Variants in ATE1 observed in about 807,000 individuals in gnomAD.
ATE1 encodes the protein arginyltransferase 1.
Under a neutral mutation model 70.5 loss-of-function variants are expected in ATE1, and 36 were observed. That is an observed-to-expected ratio of 0.51 (90% CI 0.39 to 0.67). The LOEUF is 0.67. Ranked by LOEUF, ATE1 falls within the 30% of genes least tolerant of loss-of-function variation. ATE1 has a pLI of 0.00. For missense variants in ATE1, 593 were observed against 629.5 expected, an observed-to-expected ratio of 0.94 and a Z score of 0.62; for synonymous variants, 232 against 219.3, an observed-to-expected ratio of 1.06 and a Z score of -0.51.
intron 8 of ATE1, among the ~76,000 whole-genome samples, chr10:121,852,156 T>C (rs1359228186): frequency 2.0e-5 from 3 of 152,212 alleles, no homozygotes; most frequent in Non-Finnish European, 2.9e-5. Flanking sequence ...AGTTCAAAGA[T>C]AGGAAGACTG....
chr10:121,907,693 C>T (rs1028739623), intron 5 of ATE1, among the ~76,000 whole-genome samples: 4 of 151,482 alleles, frequency 2.6e-5, no homozygotes, highest in Admixed American at 1.3e-4. Context: ...GGCGTGAACC[C>T]GGGAGGTAGA....
chr10:121,803,514 C>T (rs1397388910), intron 10 of ATE1, among the ~76,000 whole-genome samples: 1 of 152,182 alleles, frequency 6.6e-6, no homozygotes, highest in Non-Finnish European at 1.5e-5. Context: ...CAGCAATGTC[C>T]TATGTTCCTG....
chr10:121,819,865 G>T (rs1947722651), intron 10 of ATE1, among the ~76,000 whole-genome samples: 2 of 151,384 alleles, frequency 1.3e-5, no homozygotes, highest in African/African-American at 4.8e-5. Context: ...AGTAAAACAG[G>T]CCGGGCGTGG....
At chr10:121,828,732 C>A (rs1948121121) in intron 10 of ATE1, among the ~76,000 whole-genome samples, 1 of 152,112 alleles carries the variant, frequency 6.6e-6, no homozygotes, top group South Asian at 2.1e-4. Flanking sequence ...GCTTTGAAAA[C>A]CATCTACCAA....
chr10:121,780,745 T>A (rs1181334395), intron 11 of ATE1, among the ~76,000 whole-genome samples: 1 of 152,188 alleles, frequency 6.6e-6, no homozygotes, highest in Non-Finnish European at 1.5e-5. Flanking sequence ...TTCTGTTCCA[T>A]CCCCTGTTGA....
rs780357376 is a variant in ATE1 at position 121,910,983 on chromosome 10, G to A, written c.506C>T (p.Ser169Leu). ...KKEEPQELLQSQDFVGEKLGS... is the reference protein window; with the variant it reads ...KKEEPQELLQLQDFVGEKLGS... Reference sequence around the variant, plus strand: ...CAACTTCTCTCCTACGAAATCTTGTGACTGAAGTAATTCCTGAGGTTCTTC... The same window carrying A: ...CAACTTCTCTCCTACGAAATCTTGTAACTGAAGTAATTCCTGAGGTTCTTC... Residue 169 changes from serine (S) to leucine (L), a missense_variant, in exon 5 of 12, where the codon TCA becomes TTA. Physicochemically the swap from Ser to Leu is moderately radical, Grantham distance 145. Around this residue, in one of 3 missense-constraint regions of ATE1, gnomAD observed 467 missense variants for 469.6 expected, o/e 0.99. Coordinates refer to ENST00000224652, the MANE Select transcript of ATE1 (RefSeq NM_001001976.3). 1 of 1,614,094 alleles carries A rather than the reference G, an allele frequency of 6.2e-7. No homozygotes were observed. The highest frequency in any genetic ancestry group is 2.2e-5 in the East Asian group (1 of 44,864).
chr10:121,782,047 T>C (rs140895005), intron 11 of ATE1, among the ~76,000 whole-genome samples: 1 of 151,996 alleles, frequency 6.6e-6, no homozygotes, highest in Admixed American at 6.6e-5. Flanking sequence ...AGTATTAACA[T>C]CCACAAAAAA....
intron 5 of ATE1, among the ~76,000 whole-genome samples, chr10:121,903,590 G>A (rs567194778): frequency 2.0e-5 from 3 of 152,194 alleles, no homozygotes; most frequent in East Asian, 1.9e-4. Flanking sequence ...AGGAGGCTGA[G>A]GCATTAGAAT....
chr10:121,901,163 A>G (rs186534505), intron 6 of ATE1, among the ~76,000 whole-genome samples: 1 of 152,188 alleles, frequency 6.6e-6, no homozygotes, highest in African/African-American at 2.4e-5. Context: ...GCTACTCAGA[A>G]GGCTGAGACA....
intron 10 of ATE1, among the ~76,000 whole-genome samples, chr10:121,824,972 C>A: frequency 6.7e-6 from 1 of 150,010 alleles, no homozygotes; most frequent in Non-Finnish European, 1.5e-5. Context: ...AAGTGAATAG[C>A]TATTTTCAAG....
chr10:121,790,755 T>C (rs1224049945), intron 10 of ATE1, among the ~76,000 whole-genome samples: 1 of 152,188 alleles, frequency 6.6e-6, no homozygotes, highest in Non-Finnish European at 1.5e-5. Context: ...ACTCAGTTGA[T>C]AATATTCATT....
At chr10:121,910,500 T>A (rs927897680) in intron 5 of ATE1, among the ~76,000 whole-genome samples, 1 of 152,164 alleles carries the variant, frequency 6.6e-6, no homozygotes, top group African/African-American at 2.4e-5. Context: ...CATTAAAAAA[T>A]TTAATGATAA....
chr10:121,776,337 CCCT>C (rs1945738660), intron 11 of ATE1, among the ~76,000 whole-genome samples: 1 of 25,290 alleles, frequency 4.0e-5, no homozygotes, highest in African/African-American at 7.3e-5. Flanking sequence ...CTGCCCAAAT[CCCT>C]CCTATCTCTA....
At chr10:121,887,537 TAC>T (rs1950443235) in intron 7 of ATE1, among the ~76,000 whole-genome samples, 1 of 29,968 alleles carries the variant, frequency 3.3e-5, no homozygotes, top group Non-Finnish European at 9.0e-5. Context: ...GACGCCCCCC[TAC>T]AAAAAAAAAT....
chr10:121,912,549 G>A (rs1951482165), intron 4 of ATE1, among the ~76,000 whole-genome samples: 1 of 151,780 alleles, frequency 6.6e-6, no homozygotes, highest in Non-Finnish European at 1.5e-5. Context: ...CTACTCGGGA[G>A]GCGGAGACAA....
chr10:121,910,062 T>A (rs1951358928), intron 5 of ATE1, among the ~76,000 whole-genome samples: 1 of 152,136 alleles, frequency 6.6e-6, no homozygotes, highest in African/African-American at 2.4e-5. Context: ...AAATAAATAT[T>A]TTCTTGAACT....
chr10:121,755,006 A>C (rs1015514603), intron 11 of ATE1, among the ~76,000 whole-genome samples: 4 of 152,256 alleles, frequency 2.6e-5, no homozygotes, highest in Non-Finnish European at 5.9e-5. Context: ...CTCTTCAAAA[A>C]TATCGAGGTA....
At chr10:121,879,158 A>T (rs1026611026) in intron 7 of ATE1, among the ~76,000 whole-genome samples, 3 of 152,134 alleles carry the variant, frequency 2.0e-5, no homozygotes, top group Non-Finnish European at 4.4e-5. Context: ...GAAATCATCA[A>T]GACAGATGCC....
At chr10:121,928,128 T>C, upstream of ATE1, 1 of 1,239,982 alleles carries the variant, frequency 8.1e-7, no homozygotes, top group Non-Finnish European at 1.0e-6. Context: ...CGCGCCATCT[T>C]GACCGAGGGC....
Sources: allele counts gnomAD v4.1 joint callset (sites outside exome capture counted in the v4.1 genomes callset), GRCh38; gene constraint gnomAD v4.1.1; regional missense constraint gnomAD v4.1.1; transcripts MANE v1.5; gene names NCBI Gene and HGNC (gene_info 2026-07-23, HGNC 2026-07-21).